Variants in ANKRD11 observed in about 807,000 individuals in gnomAD.
The protein encoded by ANKRD11 is ankyrin repeat domain-containing protein 11.
A neutral mutation model predicts 195.7 loss-of-function variants in ANKRD11; 17 were observed. The observed-to-expected ratio is 0.09, with a 90% CI of 0.06 to 0.13. The LOEUF (loss-of-function observed/expected upper bound fraction) is 0.13. Ranked by LOEUF, ANKRD11 falls within the 10% of genes least tolerant of loss-of-function variation. The pLI is 1.00. For synonymous variants in ANKRD11, 1,953 were observed against 1,528.1 expected, an observed-to-expected ratio of 1.28 and a Z score of -6.49; for missense variants, 3,735 against 3,566.1, an observed-to-expected ratio of 1.05 and a Z score of -1.21.
intron 2 of ANKRD11, among the ~76,000 whole-genome samples, chr16:89,402,516 G>A (rs556527992): frequency 7.9e-5 from 12 of 151,970 alleles, no homozygotes; most frequent in African/African-American, 2.9e-4. Context: ...CCCGCCTCTA[G>A]AAAAACATTT....
chr16:89,275,733 C>T (rs950337691), intron 9 of ANKRD11, among the ~76,000 whole-genome samples: 14 of 152,136 alleles, frequency 9.2e-5, no homozygotes, highest in Non-Finnish European at 1.3e-4. Context: ...GACTGTGGGC[C>T]GGAAGCGCAG....
chr16:89,403,533 G>A (rs905232120), intron 2 of ANKRD11: 1 of 152,068 alleles, frequency 6.6e-6, no homozygotes, highest in African/African-American at 2.4e-5. Context: ...AACTACGACT[G>A]GGCAATGACA....
In ANKRD11 at chr16:89,368,048, C is replaced by T. The variant is rs1341469109; in HGVS notation, c.-60+50236G>A. Among the ~76,000 whole-genome samples, 17 of 152,202 alleles carry T rather than the reference C, an allele frequency of 1.1e-4. 1 individual carries two copies. In the South Asian group the frequency reaches 1.2e-3, roughly 11 times the overall value. On this transcript the variant is annotated intron_variant, in intron 2 of 12. Coordinates refer to ENST00000301030, the MANE Select transcript of ANKRD11 (RefSeq NM_013275.6). ...AAGAAATTGTCCTTGCAACCAACTG[C>T]TGTGCTCCGTTTATCTGAAAACCCT...
Position 89,275,135 on chromosome 16 carries a change from C to G in ANKRD11, c.7527G>C (p.Glu2509Asp). ...EPLKELFRQQEAVRGKLRLQH... is the reference protein window; with the variant it reads ...EPLKELFRQQDAVRGKLRLQH... The stretch of plus-strand genomic sequence containing the variant: ...GTAGACGCAGCTTTCCCCGGACGGC[C>G]TCCTGCTGCCTGAACAGCTCCTTCA... The change falls in exon 10 of 13, where the codon GAG (glutamate) becomes GAC (aspartate). Residue 2509 changes from glutamate (E) to aspartate (D), a missense_variant. By Grantham distance (45) the Glu-to-Asp change is conservative. Coordinates refer to ENST00000301030, the MANE Select transcript of ANKRD11 (RefSeq NM_013275.6). 3.1e-6 allele frequency: 5 copies of G among 1,612,192 alleles called. No homozygotes were observed. Among genetic ancestry groups the G allele is most frequent in the Non-Finnish European group, 4.2e-6 (5 of 1,179,478 alleles).
chr16:89,404,829 G>A (rs1055802316), intron 2 of ANKRD11, among the ~76,000 whole-genome samples: 3 of 152,222 alleles, frequency 2.0e-5, no homozygotes, highest in East Asian at 1.9e-4. Flanking sequence ...CCACCTTGAC[G>A]CTGAATGTAC....
At chr16:89,439,496 G>A (rs1388805199) in intron 1 of ANKRD11, among the ~76,000 whole-genome samples, 1 of 152,130 alleles carries the variant, frequency 6.6e-6, no homozygotes, top group South Asian at 2.1e-4. Context: ...GAAAAAACAA[G>A]TGTCAAAGTT....
At chr16:89,357,128 G>A (rs1597772762) in intron 2 of ANKRD11, among the ~76,000 whole-genome samples, 2 of 152,244 alleles carry the variant, frequency 1.3e-5, no homozygotes, top group African/African-American at 4.8e-5. Context: ...GTGTAAGGAA[G>A]GTGGAGCCAT....
chr16:89,425,198 T>C (rs2152252873), intron 1 of ANKRD11, among the ~76,000 whole-genome samples: 1 of 152,226 alleles, frequency 6.6e-6, no homozygotes, highest in East Asian at 1.9e-4. Flanking sequence ...GTATCATTAT[T>C]ATCTCCCCTT....
intron 2 of ANKRD11, among the ~76,000 whole-genome samples, chr16:89,327,155 G>GT (rs770944723): frequency 9.9e-5 from 15 of 152,202 alleles, no homozygotes; most frequent in Non-Finnish European, 1.6e-4. Flanking sequence ...AGCGAAATAT[G>GT]TAAGGCTGGC....
chr16:89,348,178 C>A (rs1468833165), intron 2 of ANKRD11, among the ~76,000 whole-genome samples: 1 of 152,112 alleles, frequency 6.6e-6, no homozygotes, highest in Non-Finnish European at 1.5e-5. Flanking sequence ...ACAGTCCTCC[C>A]ATCTCAGCCT....
At chr16:89,434,998 C>T (rs376234270) in intron 1 of ANKRD11, among the ~76,000 whole-genome samples, 45 of 152,326 alleles carry the variant, frequency 3.0e-4, no homozygotes, top group African/African-American at 6.3e-4. Flanking sequence ...CCAACTGATA[C>T]ACCCACAGCC....
intron 2 of ANKRD11, among the ~76,000 whole-genome samples, chr16:89,379,421 C>G (rs771781657): frequency 3.9e-5 from 6 of 152,182 alleles, no homozygotes; most frequent in Non-Finnish European, 7.3e-5. Context: ...CCACAGGGGC[C>G]TCCTGCTCCA....
In ANKRD11 at chr16:89,348,817, G is replaced by A. The variant is rs1026604191; in HGVS notation, c.-59-31739C>T. Among the ~76,000 whole-genome samples the A allele has an allele frequency of 2.7e-5, 4 of 148,844 alleles. No individual in the cohort carries two copies. In the Admixed American group the frequency reaches 2.7e-4, roughly 10 times the overall value. ...TTTCTCATGTCCATACTAAAAATTT[G>A]TTGCTTCTTTTTCTCCTGATCCATT... On this transcript the variant is annotated intron_variant, in intron 2 of 12. Coordinates refer to ENST00000301030, the MANE Select transcript of ANKRD11 (RefSeq NM_013275.6).
rs578006359 is a variant in ANKRD11, at chr16:89,283,359, A to G, written c.3183T>C (p.Asp1061=). The G allele has an allele frequency of 4.3e-6, 7 of 1,613,546 alleles. No homozygotes were observed. The South Asian group carries it at 7.7e-5, about 18-fold the overall frequency. ...EFDKCFKEKK[D]TKEKHKDTHG... ...GTGTGTCTTTATGTTTTTCCTTGGT[A>G]TCTTTTTTCTCTTTAAAACATTTAT... Residue 1061 remains aspartate (D), a synonymous_variant, in exon 9 of 13, where the codon GAT becomes GAC. Transcript: ENST00000301030. This position sits in a 1 kb window ranked among gnomAD's most constrained non-coding sequence, Gnocchi z 4.3.
chr16:89,342,287 G>A (rs961620505), intron 2 of ANKRD11, among the ~76,000 whole-genome samples: 7 of 152,272 alleles, frequency 4.6e-5, no homozygotes, highest in South Asian at 2.1e-4. Context: ...GAATGAGAGC[G>A]GCAGCCCAGG....
At chr16:89,353,544 C>A (rs987470946) in intron 2 of ANKRD11, among the ~76,000 whole-genome samples, 1 of 151,912 alleles carries the variant, frequency 6.6e-6, no homozygotes, top group Non-Finnish European at 1.5e-5. Context: ...GTGGTGCAAT[C>A]TCGGCTCACT....
chr16:89,276,169 A>T (rs540620970), intron 9 of ANKRD11, among the ~76,000 whole-genome samples: 1 of 152,156 alleles, frequency 6.6e-6, no homozygotes, highest in Non-Finnish European at 1.5e-5. Flanking sequence ...AGAGCTCCTG[A>T]CAGCCAAGGC....
chr16:89,380,606 C>T (rs1335073464), intron 2 of ANKRD11, among the ~76,000 whole-genome samples: 3 of 152,164 alleles, frequency 2.0e-5, no homozygotes. Context: ...TGTGTAATGC[C>T]AAACAGGTCT....
intron 1 of ANKRD11, among the ~76,000 whole-genome samples, chr16:89,464,551 T>C (rs537465468): frequency 6.0e-4 from 84 of 139,804 alleles, no homozygotes; most frequent in African/African-American, 2.2e-3. Context: ...GAGGCTGTAG[T>C]GAGCCAAGAT....
Sources: allele counts gnomAD v4.1 joint callset (sites outside exome capture counted in the v4.1 genomes callset), GRCh38; gene constraint gnomAD v4.1.1; non-coding constraint Gnocchi (gnomAD v3.1); transcripts MANE v1.5; gene names NCBI Gene and HGNC (gene_info 2026-07-23, HGNC 2026-07-21).